PCDHGA1: variants seen among roughly 807,000 people sequenced by gnomAD.
The protein encoded by PCDHGA1 is protocadherin gamma subfamily A, 1.
A neutral mutation model predicts 58.0 loss-of-function variants in PCDHGA1; 32 were observed. The observed-to-expected ratio is 0.55, with a 90% CI of 0.42 to 0.74. The LOEUF (loss-of-function observed/expected upper bound fraction) is 0.74, where lower values mean the gene tolerates loss of function less well. PCDHGA1 is among the 30% of genes least tolerant of loss of function. The pLI is 0.00. For missense variants in PCDHGA1, 1,205 were observed against 1,182.3 expected (o/e 1.02, Z -0.28); for synonymous variants, 498 against 501.1 (o/e 0.99, Z 0.08).
intron 1 of PCDHGA1, among the ~76,000 whole-genome samples, chr5:141,438,745 T>C (rs1004731034): frequency 4.7e-5 from 7 of 147,392 alleles, no homozygotes; most frequent in Non-Finnish European, 1.0e-4. Flanking sequence ...CACTGCAACC[T>C]CTGCCTCCTG....
chr5:141,390,523 G>T, intron 1 of PCDHGA1: 1 of 556,304 alleles, frequency 1.8e-6, no homozygotes, highest in South Asian at 2.2e-5. Context: ...AGCAATGAGG[G>T]TGTGGTTTTA....
At chr5:141,397,626 C>G (rs539348100) in intron 1 of PCDHGA1, among the ~76,000 whole-genome samples, 27 of 152,256 alleles carry the variant, frequency 1.8e-4, no homozygotes, top group Middle Eastern at 3.4e-3. Context: ...TTAGTTCTAG[C>G]TAAGAGTTCA....
intron 1 of PCDHGA1, chr5:141,362,530 C>G (rs769795967): frequency 6.2e-7 from 1 of 1,613,818 alleles, no homozygotes; most frequent in Non-Finnish European, 8.5e-7. Context: ...CGCTGGGGTC[C>G]CTTTTGCCTC....
chr5:141,400,580 C>T (rs756569671), intron 1 of PCDHGA1: 2 of 1,610,388 alleles, frequency 1.2e-6, no homozygotes, highest in South Asian at 2.2e-5. Context: ...TCTGTATTTA[C>T]ATGAAACTAT....
Position 141,489,317 on chromosome 5 carries a change from G to T in PCDHGA1, c.2422-5490G>T. ...ATGTTGTCCTTGTGCTGCTGGGGCT[G>T]GGTGTCTGGGCAGCTTCGTTACTCA... is the stretch of plus-strand genomic sequence containing the variant. On this transcript the variant is annotated intron_variant, in intron 1 of 3. Coordinates refer to ENST00000517417, the MANE Select transcript of PCDHGA1 (RefSeq NM_018912.3). The surrounding 1 kb of genome is among the most constrained non-coding windows in gnomAD (Gnocchi z 4.5). 6.3e-7 allele frequency: 1 copy of T among 1,598,654 alleles called. No homozygotes were observed. The highest frequency in any genetic ancestry group is 8.5e-7 in the Non-Finnish European group (1 of 1,171,456).
At chr5:141,396,847 T>G (rs2093444333) in intron 1 of PCDHGA1, among the ~76,000 whole-genome samples, 1 of 152,190 alleles carries the variant, frequency 6.6e-6, no homozygotes. Context: ...GGGAGTTAAC[T>G]TCATAGTTTG....
chr5:141,422,115 T>C, intron 1 of PCDHGA1: 1 of 1,605,004 alleles, frequency 6.2e-7, no homozygotes, highest in South Asian at 1.1e-5. Context: ...TCCAATTGGA[T>C]TCACAAACTG....
At chr5:141,366,224 C>T in intron 1 of PCDHGA1, 1 of 1,613,840 alleles carries the variant, frequency 6.2e-7, no homozygotes, top group East Asian at 2.2e-5. Context: ...AGCGCGAGCC[C>T]TGCTGGACAG....
chr5:141,363,969 G>T (rs1161441825), intron 1 of PCDHGA1, among the ~76,000 whole-genome samples: 14 of 152,250 alleles, frequency 9.2e-5, no homozygotes, highest in East Asian at 1.9e-4. Context: ...TGGAAGTCTT[G>T]CTATTCAGAA....
chr5:141,393,249 G>C, intron 1 of PCDHGA1: 7 of 1,613,786 alleles, frequency 4.3e-6, no homozygotes, highest in Non-Finnish European at 5.9e-6. Context: ...TAACGAAATC[G>C]CGGTTCCTGG....
rs556183945 is a variant in PCDHGA1 at position 141,404,478 on chromosome 5, C to G, written c.2421+71373C>G. On this transcript the variant is annotated intron_variant, in intron 1 of 3. Coordinates refer to ENST00000517417, the MANE Select transcript of PCDHGA1 (RefSeq NM_018912.3). ...CTCTCCACCTATGTCTCTATTAACT[C>G]AGACACTGGTGTGCTGTATGCTCTG... 36 of 1,613,412 alleles carry G rather than the reference C, an allele frequency of 2.2e-5. No homozygotes were observed. In the South Asian group the frequency reaches 3.6e-4, roughly 16 times the overall value.
At chr5:141,495,193 T>G (rs1471524188) in intron 2 of PCDHGA1, among the ~76,000 whole-genome samples, 2 of 152,192 alleles carry the variant, frequency 1.3e-5, no homozygotes, top group Non-Finnish European at 2.9e-5. Flanking sequence ...TCTATGCCCA[T>G]GTACTGCCTA....
chr5:141,417,878 C>T, intron 1 of PCDHGA1: 1 of 1,558,216 alleles, frequency 6.4e-7, no homozygotes, highest in Non-Finnish European at 8.7e-7. Context: ...GAGCTGCGCG[C>T]AGAGGCGCCG....
chr5:141,339,251 G>A, intron 1 of PCDHGA1: 1 of 1,614,240 alleles, frequency 6.2e-7, no homozygotes, highest in Non-Finnish European at 8.5e-7. Context: ...AGACCGGGAG[G>A]AGCTCTGCGC....
chr5:141,431,624 G>C lies in PCDHGA1; in HGVS notation c.2422-63183G>C. The C allele has an allele frequency of 2.5e-6, 4 of 1,614,234 alleles. No individual in the cohort carries two copies. Among genetic ancestry groups the C allele is most frequent in the Non-Finnish European group, 3.4e-6 (4 of 1,180,038 alleles). On this transcript the variant is annotated intron_variant, in intron 1 of 3. Transcript: ENST00000517417. This position sits in a 1 kb window ranked among gnomAD's most constrained non-coding sequence, Gnocchi z 4.8. ...CTTCCGGTATGTGGACGACAAGGCG[G>C]CCCAAGTTTTCAAACTAGATTGTAA...
chr5:141,332,530 C>G lies in PCDHGA1; in HGVS notation c.1846C>G (p.Leu616Val). Residue 616 changes from leucine to valine, a missense_variant, in exon 1 of 4, where the codon CTC becomes GTC. By Grantham distance (32) the Leu-to-Val change is conservative. Coordinates refer to ENST00000517417, the MANE Select transcript of PCDHGA1 (RefSeq NM_018912.3). The surrounding 1 kb of genome is among the most constrained non-coding windows in gnomAD (Gnocchi z 4.6). ...CCTGCTCAAGGCCAGCGAGCCGGGA[C>G]TCTTCTCGGTGGGTCTGCACACGGG... ...YRLLKASEPG[L>V]FSVGLHTGEV... 2 of 1,612,898 alleles carry G rather than the reference C, an allele frequency of 1.2e-6. No individual in the cohort carries two copies. Among genetic ancestry groups the G allele is most frequent in the Non-Finnish European group, 1.7e-6 (2 of 1,179,914 alleles).
intron 1 of PCDHGA1, among the ~76,000 whole-genome samples, chr5:141,438,921 C>T (rs1204218608): frequency 6.6e-6 from 1 of 151,970 alleles, no homozygotes; most frequent in Non-Finnish European, 1.5e-5. Context: ...CTGCCTTGGC[C>T]TCCCAAAGTG....
At chr5:141,480,221 T>C (rs2099514536) in intron 1 of PCDHGA1, among the ~76,000 whole-genome samples, 1 of 149,748 alleles carries the variant, frequency 6.7e-6, no homozygotes, top group Admixed American at 6.7e-5. Context: ...CTGAGCGACA[T>C]AGTGAGATCC....
chr5:141,425,585 A>T (rs1270579511), intron 1 of PCDHGA1, among the ~76,000 whole-genome samples: 1 of 152,252 alleles, frequency 6.6e-6, no homozygotes, highest in Non-Finnish European at 1.5e-5. Context: ...GGCTAACTTT[A>T]TTCTGAATAT....
Sources: gnomAD v4.1 joint callset for allele counts (sites outside exome capture counted in the v4.1 genomes callset) on GRCh38, gnomAD v4.1.1 for gene constraint, Gnocchi (gnomAD v3.1) non-coding constraint, MANE v1.5 for transcripts, NCBI Gene and HGNC (gene_info 2026-07-23, HGNC 2026-07-21) for gene names.